Variants in LRCH3 observed in about 807,000 individuals in gnomAD.
LRCH3 encodes DISP complex protein LRCH3.
In LRCH3, 68 loss-of-function variants were observed where a neutral mutation model predicts 104.5. The observed-to-expected ratio is 0.65, with a 90% confidence interval of 0.54 to 0.80. LRCH3 has a LOEUF of 0.80. LRCH3 is among the 30% of genes least tolerant of loss of function. The pLI is 0.00. For missense variants in LRCH3, 951 were observed against 953.9 expected, an observed-to-expected ratio of 1.00 and a Z score of 0.04; for synonymous variants, 344 against 361.3, an observed-to-expected ratio of 0.95 and a Z score of 0.54.
intron 12 of LRCH3, among the ~76,000 whole-genome samples, chr3:197,851,917 G>A (rs1739656859): frequency 6.6e-6 from 1 of 152,184 alleles, no homozygotes; most frequent in Admixed American, 6.5e-5. Flanking sequence ...TCGGAAGGCA[G>A]GCCCAAACCA....
At chr3:197,869,601 A>AGAAAGCGATGCACTGTACCTGCAGGAG (rs1711842134) in intron 17 of LRCH3, among the ~76,000 whole-genome samples, 1 of 71,950 alleles carries the variant, frequency 1.4e-5, no homozygotes. Context: ...ACCTGCAGGA[A>AGAAAGCGATGCACTGTACCTGCAGGAG]GTAGAAAGCG....
At chr3:197,876,914 G>A (rs376842085) in intron 20 of LRCH3, among the ~76,000 whole-genome samples, 544 of 74,714 alleles carry the variant, frequency 7.3e-3, no homozygotes, top group East Asian at 0.012. Context: ...CGCACCCATG[G>A]CAGTGATTCT....
intron 8 of LRCH3, among the ~76,000 whole-genome samples, chr3:197,834,119 T>C (rs1451553673): frequency 6.6e-6 from 1 of 152,226 alleles, no homozygotes; most frequent in African/African-American, 2.4e-5. Flanking sequence ...TTAGGCAGCC[T>C]GTAGAACGTC....
intron 20 of LRCH3, among the ~76,000 whole-genome samples, chr3:197,876,872 C>CCTCTTTCTAACTAG: frequency 7.3e-6 from 1 of 136,570 alleles, no homozygotes; most frequent in African/African-American, 2.8e-5. Context: ...ACTCACCGCA[C>CCTCTTTCTAACTAG]CCATGACAGT....
intron 9 of LRCH3, among the ~76,000 whole-genome samples, chr3:197,836,991 T>C (rs1049285464): frequency 1.3e-5 from 2 of 152,050 alleles, no homozygotes; most frequent in Non-Finnish European, 2.9e-5. Flanking sequence ...ATTATCATTC[T>C]TTTTTTTAAA....
rs1734367373 is a variant in LRCH3 at position 197,820,530 on chromosome 3, G to T, written c.640+100G>T. 3 of 776,014 alleles carry T rather than the reference G, an allele frequency of 3.9e-6. No homozygotes were observed. The South Asian group carries it at 5.2e-5, about 13-fold the overall frequency. 48.1% of individuals were successfully genotyped at this position (776,014 alleles called of 1,614,324 possible). On this transcript the variant is annotated intron_variant, in intron 4 of 20. Coordinates refer to ENST00000425562, the MANE Select transcript of LRCH3 (RefSeq NM_001365715.1). ...AAAAATGTATAAGGGTTACATCTAG[G>T]CTGGGCGCTGTGGCTCCTGCCTGTA...
intron 1 of LRCH3, among the ~76,000 whole-genome samples, chr3:197,792,229 C>A (rs1051320163): frequency 4.0e-5 from 6 of 151,810 alleles, no homozygotes; most frequent in Non-Finnish European, 8.8e-5. Context: ...AGCCCACTTT[C>A]CGACTCCCAT....
chr3:197,850,259 T>TG, intron 12 of LRCH3: 1 of 577,594 alleles, frequency 1.7e-6, no homozygotes, highest in South Asian at 2.3e-5. Flanking sequence ...TTAAAACTTA[T>TG]TGAATGCTTA....
At chr3:197,820,469 T>G in intron 4 of LRCH3, 39 bp downstream of exon 4, 2 of 1,327,252 alleles carry the variant, frequency 1.5e-6, no homozygotes, top group Non-Finnish European at 2.2e-6. Context: ...AAATAATTGT[T>G]TTATTATTTT....
intron 6 of LRCH3, among the ~76,000 whole-genome samples, chr3:197,829,885 A>G (rs969963215): frequency 6.6e-6 from 1 of 152,198 alleles, no homozygotes; most frequent in African/African-American, 2.4e-5. Context: ...GACATTTTAG[A>G]TCAGATAATT....
In LRCH3 at chr3:197,852,621, G is replaced by T; in HGVS notation, c.1590+1G>T. 1 of 1,613,546 alleles carries T rather than the reference G, an allele frequency of 6.2e-7. No homozygotes were observed. Among genetic ancestry groups the T allele is most frequent in the Non-Finnish European group, 8.5e-7 (1 of 1,179,532 alleles). ...GCTCCTAGATGGCGTAGATGGTGAG[G>T]TAAGTTGATGTAATCTCCTTTTCTT... On this transcript the variant is annotated splice_donor_variant, in intron 13 of 20. Transcript: ENST00000425562. LOFTEE classifies it high-confidence loss of function.
At chr3:197,829,495 TTGA>T in intron 5 of LRCH3, 66 bp from the exon 6 acceptor site, 2 of 924,262 alleles carry the variant, frequency 2.2e-6, no homozygotes, top group Non-Finnish European at 3.3e-6. Context: ...ACATAAAATG[TTGA>T]TATGATAAAA....
At chr3:197,816,513 C>T (rs1040745321) in intron 2 of LRCH3, among the ~76,000 whole-genome samples, 3 of 152,206 alleles carry the variant, frequency 2.0e-5, no homozygotes, top group Non-Finnish European at 4.4e-5. Context: ...CCCCTGACCT[C>T]CGGTGATCCA....
chr3:197,798,531 A>G (rs1365857709), intron 1 of LRCH3, among the ~76,000 whole-genome samples: 1 of 152,262 alleles, frequency 6.6e-6, no homozygotes, highest in African/African-American at 2.4e-5. Flanking sequence ...GGGTGAGCCA[A>G]AGTAATGCAG....
chr3:197,860,495 A>G (rs79486720), intron 15 of LRCH3, among the ~76,000 whole-genome samples: 199 of 152,202 alleles, frequency 1.3e-3, no homozygotes, highest in African/African-American at 4.7e-3. Flanking sequence ...GAGGCCAGGA[A>G]CTCAAGACTG....
chr3:197,869,379 G>C (rs1325836463), intron 17 of LRCH3, among the ~76,000 whole-genome samples: 1 of 151,510 alleles, frequency 6.6e-6, no homozygotes, highest in Non-Finnish European at 1.5e-5. Flanking sequence ...GCGGTGCACT[G>C]TACCTGCAGG....
rs1275825395 is a variant in LRCH3, at chr3:197,870,277, A to C, written c.1991A>C (p.Lys664Thr). The C allele has an allele frequency of 1.9e-6, 3 of 1,612,210 alleles. No homozygotes were observed. Among genetic ancestry groups the C allele is most frequent in the South Asian group, 2.2e-5 (2 of 91,006 alleles). The change falls in exon 18 of 21, where the codon AAA becomes ACA. Residue 664 changes from lysine to threonine, a missense_variant and splice_region_variant. Physicochemically the swap from Lys to Thr is moderately conservative, Grantham distance 78 (BLOSUM62 -1). Coordinates refer to ENST00000425562, the MANE Select transcript of LRCH3 (RefSeq NM_001365715.1). The stretch of plus-strand genomic sequence containing the variant: ...CTGGAATTAATAGACCAACTGCGTA[A>C]AGTATGTACATTACCTTTGATTTAC... The part of the protein sequence containing the change: ...EELELIDQLR[K>T]HIEYRLKVSL...
intron 12 of LRCH3, 46 bp from the exon 13 acceptor site, chr3:197,852,515 A>G (rs1445021902): frequency 6.3e-7 from 1 of 1,581,174 alleles, no homozygotes; most frequent in South Asian, 1.1e-5. Context: ...GCAGTGTTCC[A>G]GGCTCTAACC....
In LRCH3 at chr3:197,883,484, A is replaced by G. The variant is rs1030851452; in HGVS notation, c.2209-57A>G. The G allele has an allele frequency of 1.1e-5, 16 of 1,513,090 alleles. No individual in the cohort carries two copies. Among genetic ancestry groups the G allele is most frequent in the African/African-American group, 4.2e-5 (3 of 72,152 alleles). The allele number at this position is 1,513,090 out of a possible 1,614,324, so 93.7% of individuals were successfully genotyped here. On this transcript the variant is annotated intron_variant, in intron 20 of 20. Transcript: ENST00000425562. This position sits in a 1 kb window ranked among gnomAD's most constrained non-coding sequence, Gnocchi z 4.2. ...GTGCTTATTTTTTCCTTTCAGTTCTATGATATTCATCCGATTTTCTTTTTT... is the reference window on the plus strand; with the variant it reads ...GTGCTTATTTTTTCCTTTCAGTTCTGTGATATTCATCCGATTTTCTTTTTT...
Sources: allele counts gnomAD v4.1 joint callset (sites outside exome capture counted in the v4.1 genomes callset), GRCh38; gene constraint gnomAD v4.1.1; non-coding constraint Gnocchi (gnomAD v3.1); transcripts MANE v1.5; gene names NCBI Gene and HGNC (gene_info 2026-07-23, HGNC 2026-07-21).